SLC38A6: variants seen among roughly 807,000 people sequenced by gnomAD.
SLC38A6 encodes the protein solute carrier family 38 member 6.
A neutral mutation model predicts 65.0 loss-of-function variants in SLC38A6; 73 were observed. That is an observed-to-expected ratio of 1.12 (90% CI 0.93 to 1.37). The LOEUF (loss-of-function observed/expected upper bound fraction) is 1.37, where lower values mean the gene tolerates loss of function less well. Ranked by LOEUF, SLC38A6 falls within the 40% of genes most tolerant of loss-of-function variation. The probability of loss-of-function intolerance (pLI) is 0.00; values close to 1 mark genes in which losing one functional copy is unlikely to be tolerated. For synonymous variants in SLC38A6, 183 were observed against 178.8 expected (o/e 1.02, Z -0.19); for missense variants, 561 against 531.1 (o/e 1.06, Z -0.55).
chr14:61,004,747 CT>C (rs1566633415), intron 3 of SLC38A6: 2 of 152,340 alleles, frequency 1.3e-5, no homozygotes, highest in African/African-American at 4.8e-5. Flanking sequence ...CAGCCGAATT[CT>C]ACCAGAGGTA....
intron 16 of SLC38A6, among the ~76,000 whole-genome samples, chr14:61,082,700 C>T (rs1349679139): frequency 6.6e-6 from 1 of 152,134 alleles, no homozygotes; most frequent in African/African-American, 2.4e-5. Context: ...GGTTTCTACC[C>T]CTCTCCTCAA....
At chr14:61,043,623 C>A (rs2041947170) in intron 10 of SLC38A6, 120 bp downstream of exon 10, 3 of 626,700 alleles carry the variant, frequency 4.8e-6, no homozygotes, top group African/African-American at 3.8e-5. Flanking sequence ...CATGAAAGTG[C>A]TAAGTATAGG....
At chr14:60,987,675 T>A (rs1408085834) in intron 3 of SLC38A6, 1 of 152,284 alleles carries the variant, frequency 6.6e-6, no homozygotes, top group Non-Finnish European at 1.5e-5. Flanking sequence ...TTGTACACAC[T>A]ACTATCTCAG....
At chr14:61,048,705 C>T (rs1395932040) in intron 12 of SLC38A6, among the ~76,000 whole-genome samples, 1 of 152,080 alleles carries the variant, frequency 6.6e-6, no homozygotes, top group Non-Finnish European at 1.5e-5. Flanking sequence ...ATTAAAGGGA[C>T]TTATAGGTAT....
At chr14:61,047,971 ATAGATACATACATAC>A (rs1319765015) in intron 12 of SLC38A6, among the ~76,000 whole-genome samples, 9 of 13,402 alleles carry the variant, frequency 6.7e-4, no homozygotes, top group Non-Finnish European at 1.2e-3. Context: ...AGATAGATAG[ATAGATACATACATAC>A]ATACATACAT....
chr14:61,050,446 A>C, intron 12 of SLC38A6, 66 bp from the exon 13 acceptor site: 1 of 1,152,288 alleles, frequency 8.7e-7, no homozygotes, highest in East Asian at 2.8e-5. Context: ...AGTGCAAAGG[A>C]AAACAATTTT....
downstream of SLC38A6, among the ~76,000 whole-genome samples, chr14:61,055,081 ATTTTT>A (rs35859119): frequency 2.7e-5 from 3 of 109,432 alleles, no homozygotes; most frequent in Non-Finnish European, 3.6e-5. Context: ...GCAGTGTTGA[ATTTTT>A]TTTTTTTTTA....
chr14:60,985,471 C>T (rs965422796), intron 3 of SLC38A6, among the ~76,000 whole-genome samples: 2 of 152,142 alleles, frequency 1.3e-5, no homozygotes, highest in African/African-American at 4.8e-5. Flanking sequence ...TTCCTTTTGT[C>T]ATTAACAAAT....
chr14:60,985,779 T>C (rs900472128), intron 3 of SLC38A6, among the ~76,000 whole-genome samples: 4 of 152,280 alleles, frequency 2.6e-5, no homozygotes, highest in East Asian at 1.9e-4. Context: ...GCATGGCCCT[T>C]CTTATGAGGG....
chr14:60,982,689 A>G (rs761961224), intron 2 of SLC38A6, 51 bp downstream of exon 2: 1 of 1,558,452 alleles, frequency 6.4e-7, no homozygotes, highest in South Asian at 1.2e-5. Context: ...TTGATAATAT[A>G]CGGAGAAGTA....
chr14:60,992,886 C>T (rs183888377), intron 3 of SLC38A6, among the ~76,000 whole-genome samples: 300 of 149,310 alleles, frequency 2.0e-3, no homozygotes, highest in African/African-American at 6.7e-3. Context: ...CTTGCTCTGT[C>T]GCCCAGGCTG....
At chr14:61,006,183 T>C (rs1225448177) in intron 3 of SLC38A6, among the ~76,000 whole-genome samples, 1 of 152,172 alleles carries the variant, frequency 6.6e-6, no homozygotes, top group Non-Finnish European at 1.5e-5. Flanking sequence ...TAATTCAAGA[T>C]GGATTAAAGA....
intron 2 of SLC38A6, among the ~76,000 whole-genome samples, chr14:60,983,725 T>C (rs1209058730): frequency 6.6e-6 from 1 of 152,196 alleles, no homozygotes; most frequent in African/African-American, 2.4e-5. Flanking sequence ...CTCACAAACT[T>C]TCATTATTTT....
At chr14:61,083,561 A>G (rs1305815623) in exon 17 of SLC38A6, 2 of 1,550,104 alleles carry the variant, frequency 1.3e-6, no homozygotes, top group Admixed American at 2.0e-5. Context: ...AAAGGAAGAG[A>G]TACCATGGAG....
chr14:60,983,907 GT>G (rs951183459), intron 2 of SLC38A6, among the ~76,000 whole-genome samples: 1 of 152,126 alleles, frequency 6.6e-6, no homozygotes, highest in African/African-American at 2.4e-5. Flanking sequence ...ATGCTAAAGT[GT>G]TATTTTGTGA....
chr14:61,029,323 AT>A (rs1233857551), intron 5 of SLC38A6, among the ~76,000 whole-genome samples: 1 of 151,836 alleles, frequency 6.6e-6, no homozygotes, highest in African/African-American at 2.4e-5. Context: ...CGCCTGGCTA[AT>A]TTTTGTATTT....
intron 1 of SLC38A6, chr14:60,982,072 G>A (rs2037083635): frequency 2.3e-6 from 1 of 437,050 alleles, no homozygotes; most frequent in Admixed American, 2.5e-5. Flanking sequence ...TAATTCATTA[G>A]ATATATAAGT....
intron 16 of SLC38A6, among the ~76,000 whole-genome samples, chr14:61,081,671 G>A (rs909061225): frequency 5.3e-5 from 8 of 152,068 alleles, no homozygotes; most frequent in South Asian, 2.1e-4. Context: ...GCGACAGAGC[G>A]AGACTCTGTC....
chr14:61,054,927 C>T (rs762284810), downstream of SLC38A6, among the ~76,000 whole-genome samples: 1 of 152,098 alleles, frequency 6.6e-6, no homozygotes, highest in Non-Finnish European at 1.5e-5. Context: ...AGGGTATCCT[C>T]GTCTTAACGC....
Sources: allele counts gnomAD v4.1 joint callset (sites outside exome capture counted in the v4.1 genomes callset), GRCh38; gene constraint gnomAD v4.1.1; transcripts MANE v1.5; gene names NCBI Gene and HGNC (gene_info 2026-07-23, HGNC 2026-07-21).